UBAP2: variants seen among roughly 807,000 people sequenced by gnomAD.
The protein encoded by UBAP2 is ubiquitin-associated protein 2.
A neutral mutation model predicts 139.6 loss-of-function variants in UBAP2; 75 were observed. The observed-to-expected ratio is 0.54, with a 90% CI of 0.45 to 0.65. The LOEUF is 0.65. Among genes scored for constraint, UBAP2 ranks in the 30% least tolerant of loss-of-function variants. UBAP2 has a pLI of 0.00. For synonymous variants in UBAP2, 526 were observed against 526.2 expected, an observed-to-expected ratio of 1.00 and a Z score of 0.01; for missense variants, 1,368 against 1,369.6, an observed-to-expected ratio of 1.00 and a Z score of 0.02.
chr9:34,005,132 A>G lies in UBAP2; in HGVS notation c.100-6268T>C, dbSNP rs531022527. ...ACAAAAATTAGCAGTGCGTGGTGGC[A>G]CGAGCCTGAAATCCCAACTACTCAG... On this transcript the variant is annotated intron_variant, in intron 2 of 28. Coordinates refer to ENST00000379238, the MANE Select transcript of UBAP2 (RefSeq NM_001370062.2). Among the ~76,000 whole-genome samples, 201 of 152,114 alleles carry G rather than the reference A, an allele frequency of 1.3e-3. 1 individual carries two copies. Among genetic ancestry groups the G allele is most frequent in the African/African-American group, 4.7e-3 (197 of 41,516 alleles).
intron 1 of UBAP2, among the ~76,000 whole-genome samples, chr9:34,038,629 A>G (rs566696613): frequency 7.2e-5 from 11 of 152,224 alleles, no homozygotes; most frequent in East Asian, 3.9e-4. Flanking sequence ...ATCTCGGCTC[A>G]CTACAACCTC....
At chr9:34,028,672 G>A (rs979021931) in intron 1 of UBAP2, among the ~76,000 whole-genome samples, 2 of 151,914 alleles carry the variant, frequency 1.3e-5, no homozygotes, top group African/African-American at 4.8e-5. Context: ...GAGCCACTGC[G>A]ACCAGCCTTA....
At chr9:34,035,154 C>T (rs1826220575) in intron 1 of UBAP2, among the ~76,000 whole-genome samples, 1 of 151,984 alleles carries the variant, frequency 6.6e-6, no homozygotes, top group Admixed American at 6.6e-5. Context: ...CACTGGTCTC[C>T]TAATTGTCAA....
intron 2 of UBAP2, among the ~76,000 whole-genome samples, chr9:34,004,520 C>T (rs1182479896): frequency 5.3e-5 from 8 of 152,078 alleles, no homozygotes; most frequent in East Asian, 1.9e-4. Context: ...CAGTGGCTCA[C>T]GCCTATAATC....
intron 4 of UBAP2, among the ~76,000 whole-genome samples, chr9:33,994,017 C>T (rs546384411): frequency 7.0e-4 from 107 of 152,066 alleles, no homozygotes; most frequent in Non-Finnish European, 7.4e-5. Flanking sequence ...GCCTCAGCCG[C>T]CTGAGTAGCT....
intron 2 of UBAP2, among the ~76,000 whole-genome samples, chr9:34,004,092 A>C (rs1424275397): frequency 6.6e-6 from 1 of 152,196 alleles, no homozygotes; most frequent in Admixed American, 6.5e-5. Flanking sequence ...ACCAGTGTTA[A>C]AAGGAGTTTA....
chr9:34,035,334 C>G (rs1422945939), intron 1 of UBAP2, among the ~76,000 whole-genome samples: 1 of 151,064 alleles, frequency 6.6e-6, no homozygotes, highest in South Asian at 2.1e-4. Flanking sequence ...GGAACCCCAT[C>G]TCTACAAAAG....
chr9:33,963,917 A>G (rs1375345310), intron 8 of UBAP2, 126 bp from the exon 9 acceptor site: 44 of 671,766 alleles, frequency 6.5e-5, no homozygotes, highest in Non-Finnish European at 9.9e-5. Context: ...GTGAAATGTA[A>G]TTGAAATCCA....
intron 4 of UBAP2, among the ~76,000 whole-genome samples, chr9:33,991,443 C>T (rs1821705240): frequency 1.3e-5 from 2 of 152,096 alleles, no homozygotes; most frequent in South Asian, 4.1e-4. Context: ...ATAAATGGAG[C>T]AGTATGTAGC....
chr9:34,035,698 GA>G (rs1247515551), intron 1 of UBAP2, among the ~76,000 whole-genome samples: 2 of 150,682 alleles, frequency 1.3e-5, no homozygotes, highest in East Asian at 3.9e-4. Context: ...AATAAAGAAA[GA>G]AACAAACAAA....
intron 3 of UBAP2, chr9:33,997,127 CA>C (rs1822273523): frequency 6.6e-6 from 1 of 152,144 alleles, no homozygotes; most frequent in African/African-American, 2.4e-5. Flanking sequence ...GCTACTATCA[CA>C]AAACACACTC....
At chr9:34,038,415 T>C (rs1826662297) in intron 1 of UBAP2, among the ~76,000 whole-genome samples, 2 of 152,190 alleles carry the variant, frequency 1.3e-5, no homozygotes, top group South Asian at 4.1e-4. Context: ...GCCAAGTGCC[T>C]GCGATTGCAG....
At chr9:34,037,070 C>T (rs1390710732) in intron 1 of UBAP2, among the ~76,000 whole-genome samples, 1 of 148,770 alleles carries the variant, frequency 6.7e-6, no homozygotes, top group African/African-American at 2.5e-5. Flanking sequence ...CTCGCTGCAA[C>T]CTCCGACTTC....
At chr9:34,011,949 AAAT>A (rs1455580399) in intron 2 of UBAP2, among the ~76,000 whole-genome samples, 1 of 149,448 alleles carries the variant, frequency 6.7e-6, no homozygotes, top group Non-Finnish European at 1.5e-5. Context: ...AAAAAATTGG[AAAT>A]AATAATAAAG....
At chr9:33,986,186 G>A (rs540551484) in intron 6 of UBAP2, among the ~76,000 whole-genome samples, 2 of 152,148 alleles carry the variant, frequency 1.3e-5, no homozygotes, top group Admixed American at 1.3e-4. Context: ...TCAAGTAGCT[G>A]GGACTACAGG....
At chr9:34,038,430 G>T (rs560739257) in intron 1 of UBAP2, among the ~76,000 whole-genome samples, 3 of 152,188 alleles carry the variant, frequency 2.0e-5, no homozygotes, top group African/African-American at 7.2e-5. Context: ...TTGCAGGCGC[G>T]CGCCGCCACA....
At chr9:33,942,689 C>G (rs1401966986) in intron 15 of UBAP2, among the ~76,000 whole-genome samples, 1 of 150,960 alleles carries the variant, frequency 6.6e-6, no homozygotes, top group African/African-American at 2.4e-5. Flanking sequence ...AAGCATGCTG[C>G]TGCACTCCAG....
chr9:33,983,682 T>C (rs753994440), intron 6 of UBAP2, among the ~76,000 whole-genome samples: 2 of 152,190 alleles, frequency 1.3e-5, no homozygotes, highest in Non-Finnish European at 2.9e-5. Flanking sequence ...AGGTGTGTAC[T>C]TCAGGGTTTA....
At chr9:34,016,353 A>G (rs10971852) in intron 2 of UBAP2, among the ~76,000 whole-genome samples, 6 of 21,018 alleles carry the variant, frequency 2.9e-4, no homozygotes, top group African/African-American at 1.0e-3. Flanking sequence ...AGGAGGAGGC[A>G]GCAGCGGCGG....
Sources: gnomAD v4.1 joint callset for allele counts (sites outside exome capture counted in the v4.1 genomes callset) on GRCh38, gnomAD v4.1.1 for gene constraint, MANE v1.5 for transcripts, NCBI Gene and HGNC (gene_info 2026-07-23, HGNC 2026-07-21) for gene names.